Variants in RNF130 observed in about 807,000 individuals in gnomAD.
RNF130 encodes the protein ring finger protein 130.
Under a neutral mutation model 44.6 loss-of-function variants are expected in RNF130, and 21 were observed. That is an observed-to-expected ratio of 0.47 (90% CI 0.33 to 0.68). The LOEUF (loss-of-function observed/expected upper bound fraction) is 0.68. Among genes scored for constraint, RNF130 ranks in the 30% least tolerant of loss-of-function variants. The probability of loss-of-function intolerance (pLI) is 0.02; values close to 1 mark genes in which losing one functional copy is unlikely to be tolerated. For missense variants in RNF130, 479 were observed against 560.6 expected, an observed-to-expected ratio of 0.85 and a Z score of 1.47; for synonymous variants, 214 against 210.4, an observed-to-expected ratio of 1.02 and a Z score of -0.15.
At chr5:180,021,166 C>T (rs755129357) in intron 2 of RNF130, among the ~76,000 whole-genome samples, 8 of 152,110 alleles carry the variant, frequency 5.3e-5, no homozygotes, top group Non-Finnish European at 1.0e-4. Context: ...CGGGGATTCA[C>T]CATGTTGGCC....
chr5:180,025,379 A>G (rs146668301), intron 2 of RNF130, among the ~76,000 whole-genome samples: 1 of 152,368 alleles, frequency 6.6e-6, no homozygotes. Context: ...CAGAAAAGAC[A>G]AAAAAGTAAA....
At chr5:180,039,908 A>C (rs1482062187) in intron 2 of RNF130, among the ~76,000 whole-genome samples, 1 of 152,184 alleles carries the variant, frequency 6.6e-6, no homozygotes, top group Non-Finnish European at 1.5e-5. Flanking sequence ...AGACTGTCTA[A>C]AAAATATATT....
At chr5:180,059,910 G>A (rs2113177962) in intron 1 of RNF130, among the ~76,000 whole-genome samples, 1 of 152,230 alleles carries the variant, frequency 6.6e-6, no homozygotes, top group Admixed American at 6.5e-5. Flanking sequence ...GAGCAAGGGG[G>A]AACTAGGTTG....
chr5:180,070,594 A>G (rs548179272), intron 1 of RNF130, among the ~76,000 whole-genome samples: 2 of 152,326 alleles, frequency 1.3e-5, no homozygotes, highest in East Asian at 1.9e-4. Flanking sequence ...CAGGGTGACA[A>G]TGAGGGTGGG....
At chr5:180,051,055 G>A (rs114206662) in intron 1 of RNF130, among the ~76,000 whole-genome samples, 2,578 of 151,998 alleles carry the variant, frequency 0.017, 79 homozygotes, top group African/African-American at 0.06. Context: ...TGCCCACCTC[G>A]ACCTCCCAAA....
chr5:180,044,351 T>A (rs1388348094), intron 1 of RNF130, among the ~76,000 whole-genome samples: 1 of 152,166 alleles, frequency 6.6e-6, no homozygotes, highest in Non-Finnish European at 1.5e-5. Flanking sequence ...ACTTAATTTT[T>A]TTTTTCCTCT....
At chr5:180,060,816 T>C (rs1425970786) in intron 1 of RNF130, among the ~76,000 whole-genome samples, 1 of 152,150 alleles carries the variant, frequency 6.6e-6, no homozygotes, top group Non-Finnish European at 1.5e-5. Context: ...GCGCCTGTAA[T>C]CCCAGCACTT....
At chr5:179,994,206 T>C (rs2113039392) in intron 3 of RNF130, among the ~76,000 whole-genome samples, 1 of 152,276 alleles carries the variant, frequency 6.6e-6, no homozygotes, top group East Asian at 1.9e-4. Context: ...TCTTTTTTGG[T>C]TCCATATGAA....
At position 179,977,842 on chromosome 5, in the gene RNF130, G is replaced by A. The variant is rs532531552; in HGVS notation, c.848+361C>T. ...ACACTCCAGCCTGGGGTGACAGAGC[G>A]AGACTCCGTCTCAAAAAATAAATAA... On this transcript the variant is annotated intron_variant, in intron 5 of 8. Coordinates refer to ENST00000521389, the MANE Select transcript of RNF130 (RefSeq NM_018434.6). The surrounding 1 kb of genome is among the most constrained non-coding windows in gnomAD (Gnocchi z 4.1). Among the ~76,000 whole-genome samples the A allele has an allele frequency of 7.2e-5, 11 of 152,272 alleles. No individual in the cohort carries two copies. In the East Asian group the frequency reaches 1.9e-3, roughly 27 times the overall value.
intron 1 of RNF130, among the ~76,000 whole-genome samples, chr5:180,046,210 G>A (rs939136803): frequency 3.9e-5 from 6 of 152,134 alleles, no homozygotes; most frequent in African/African-American, 1.4e-4. Context: ...ACTGACCGGG[G>A]CAGGTGCAGG....
chr5:180,034,978 A>G (rs1413304934), intron 2 of RNF130, among the ~76,000 whole-genome samples: 2 of 152,096 alleles, frequency 1.3e-5, no homozygotes, highest in East Asian at 1.9e-4. Context: ...AGGTTTGTCA[A>G]TTTTATTGAT....
Position 179,935,089 on chromosome 5 carries a change from G to A in RNF130, c.1151-14663C>T, listed in dbSNP as rs74901885. On this transcript the variant is annotated intron_variant, in intron 7 of 7. Transcript: ENST00000522208. ...AACATTTTAAAATAATTTCCACTGC[G>A]ATTTCTTCTTTGATTCATGACTTTT... is the stretch of plus-strand genomic sequence containing the variant. Among the ~76,000 whole-genome samples, 1,327 of 152,208 alleles carry A rather than the reference G, an allele frequency of 8.7e-3. 26 individuals are homozygous for A. The highest frequency in any genetic ancestry group is 0.03 in the African/African-American group (1,249 of 41,518).
intron 2 of RNF130, among the ~76,000 whole-genome samples, chr5:180,027,493 C>A (rs1276615342): frequency 1.3e-5 from 2 of 152,134 alleles, no homozygotes; most frequent in African/African-American, 4.8e-5. Context: ...AGACGAGACT[C>A]AGAGAAGCTT....
At chr5:179,966,721 G>A (rs889481555) in intron 7 of RNF130, 85 bp downstream of exon 7, 1 of 1,194,380 alleles carries the variant, frequency 8.4e-7, no homozygotes, top group Admixed American at 2.1e-5. Flanking sequence ...TGCAGGCTGA[G>A]GCGAGTGCCT....
intron 5 of RNF130, among the ~76,000 whole-genome samples, chr5:179,973,512 C>T (rs1194858632): frequency 6.6e-6 from 1 of 152,252 alleles, no homozygotes; most frequent in Non-Finnish European, 1.5e-5. Flanking sequence ...GGCGTTTAAT[C>T]TACCTTGGGA....
chr5:179,932,513 G>T (rs895130586), intron 7 of RNF130, among the ~76,000 whole-genome samples: 2 of 151,720 alleles, frequency 1.3e-5, no homozygotes, highest in African/African-American at 4.8e-5. Flanking sequence ...GCCCGCCTCA[G>T]CCTTCCAAAG....
At chr5:179,967,922 A>G (rs1395949312) in intron 6 of RNF130, among the ~76,000 whole-genome samples, 1 of 152,248 alleles carries the variant, frequency 6.6e-6, no homozygotes, top group African/African-American at 2.4e-5. Context: ...CATTACATTT[A>G]AGGATCCAAT....
At chr5:179,923,123 G>A (rs1761658510) in intron 7 of RNF130, among the ~76,000 whole-genome samples, 1 of 152,010 alleles carries the variant, frequency 6.6e-6, no homozygotes, top group African/African-American at 2.4e-5. Context: ...GAATCCCAAG[G>A]TCACTAAGAT....
At position 180,040,447 on chromosome 5, in the gene RNF130, GT is replaced by G. The variant is rs770280166; in HGVS notation, c.442+5del. 6 of 1,599,816 alleles carry G rather than the reference GT, an allele frequency of 3.8e-6. No individual in the cohort carries two copies. The highest frequency in any genetic ancestry group is 5.1e-6 in the Non-Finnish European group (6 of 1,172,536). ...AACAAAATCAACAACCCTCATTTTT[GT>G]TTACCTGGATGAGTCATGGTAACTG... On this transcript the variant is annotated splice_donor_5th_base_variant and intron_variant, in intron 2 of 8. Transcript: ENST00000521389.
Sources: gnomAD v4.1 joint callset for allele counts (sites outside exome capture counted in the v4.1 genomes callset) on GRCh38, gnomAD v4.1.1 for gene constraint, Gnocchi (gnomAD v3.1) non-coding constraint, MANE v1.5 for transcripts, NCBI Gene and HGNC (gene_info 2026-07-23, HGNC 2026-07-21) for gene names.